Variants in STAU1 observed in about 807,000 individuals in gnomAD.
STAU1 encodes the protein double-stranded RNA-binding protein Staufen homolog 1.
In STAU1, 13 loss-of-function variants were observed where a neutral mutation model predicts 62.9. The ratio of observed to expected loss-of-function variants is 0.21; its 90% CI spans 0.13 to 0.33. The LOEUF (loss-of-function observed/expected upper bound fraction) is 0.33. Ranked by LOEUF, STAU1 falls within the 10% of genes least tolerant of loss-of-function variation. STAU1 has a pLI of 1.00. For synonymous variants in STAU1, 269 were observed against 265.1 expected (o/e 1.01, Z -0.14); for missense variants, 571 against 712.1 (o/e 0.80, Z 2.25).
the STAU1 span, among the ~76,000 whole-genome samples, chr20:49,216,216 C>T: frequency 1.3e-5 from 2 of 150,140 alleles, no homozygotes; most frequent in Non-Finnish European, 2.9e-5. Flanking sequence ...ATGGCAAGAC[C>T]CTTATATCTT....
At chr20:49,179,672 C>G (rs1191362976) in intron 1 of STAU1, among the ~76,000 whole-genome samples, 1 of 152,208 alleles carries the variant, frequency 6.6e-6, no homozygotes, top group East Asian at 1.9e-4. Flanking sequence ...AGGGTGGAAT[C>G]TGCAAGGGTA....
intron 3 of STAU1, among the ~76,000 whole-genome samples, chr20:49,161,839 A>G (rs2093453450): frequency 6.6e-6 from 1 of 152,250 alleles, no homozygotes; most frequent in Non-Finnish European, 1.5e-5. Flanking sequence ...GTACACTCCC[A>G]GAGAAGACGC....
intron 6 of STAU1, among the ~76,000 whole-genome samples, chr20:49,127,165 C>T (rs1439780539): frequency 1.3e-4 from 20 of 151,660 alleles, no homozygotes; most frequent in Non-Finnish European, 2.2e-4. Flanking sequence ...TCAGCCTGGC[C>T]AACATAGTGA....
intron 5 of STAU1, among the ~76,000 whole-genome samples, chr20:49,144,930 G>A (rs2093093282): frequency 6.6e-6 from 1 of 152,026 alleles, no homozygotes; most frequent in African/African-American, 2.4e-5. Context: ...TCAAAACACA[G>A]GAAAATTAAG....
chr20:49,149,931 C>CTT (rs2093212596), intron 5 of STAU1, among the ~76,000 whole-genome samples: 1 of 152,236 alleles, frequency 6.6e-6, no homozygotes, highest in Non-Finnish European at 1.5e-5. Context: ...GCCCACTGTT[C>CTT]TGTGCAGGAT....
intron 3 of STAU1, among the ~76,000 whole-genome samples, chr20:49,154,362 A>C (rs531131418): frequency 6.6e-6 from 1 of 152,360 alleles, no homozygotes; most frequent in South Asian, 2.1e-4. Flanking sequence ...GTCAGAAATA[A>C]GTTCCAAAAC....
chr20:49,200,965 G>A, the STAU1 span, among the ~76,000 whole-genome samples: 2 of 142,656 alleles, frequency 1.4e-5, no homozygotes, highest in African/African-American at 2.5e-5. Context: ...CTTAAGCCTG[G>A]GGGACTGAAG....
At position 49,153,918 on chromosome 20, in the gene STAU1, A is replaced by AC. The variant is rs781661308; in HGVS notation, c.344+14_344+15insG. 1.3e-6 allele frequency: 2 copies of AC among 1,553,474 alleles called. No homozygotes were observed. The highest frequency in any genetic ancestry group is 4.5e-5 in the East Asian group (2 of 44,176). On this transcript the variant is annotated intron_variant, in intron 4 of 13. Coordinates refer to ENST00000371856, the MANE Select transcript of STAU1 (RefSeq NM_017453.4). ...CTCCTGTATTTTACAAAAAAAAAAA[A>AC]AAAAAAACACATACCTCGGGGGATA...
upstream of STAU1, among the ~76,000 whole-genome samples, chr20:49,191,944 G>A (rs761683477): frequency 7.9e-5 from 12 of 151,842 alleles, no homozygotes; most frequent in South Asian, 4.1e-4. Flanking sequence ...CCAGGTACTC[G>A]GGCATGTGAG....
chr20:49,124,154 C>A (rs1383250765), intron 7 of STAU1, among the ~76,000 whole-genome samples: 1 of 152,338 alleles, frequency 6.6e-6, no homozygotes, highest in African/African-American at 2.4e-5. Context: ...CCCTCCTGCA[C>A]AGATGTGTGT....
the STAU1 span, among the ~76,000 whole-genome samples, chr20:49,196,368 C>T: frequency 2.0e-5 from 3 of 146,904 alleles, no homozygotes; most frequent in Non-Finnish European, 4.5e-5. Flanking sequence ...CCCCGGGGGG[C>T]GGAGCCTGCA....
the STAU1 span, among the ~76,000 whole-genome samples, chr20:49,205,979 T>G: frequency 2.2e-5 from 3 of 139,214 alleles, no homozygotes; most frequent in East Asian, 2.4e-4. Context: ...CGGCTAATTT[T>G]CTTTTCTTTT....
chr20:49,186,224 T>C (rs905002376), intron 1 of STAU1, among the ~76,000 whole-genome samples: 2 of 151,354 alleles, frequency 1.3e-5, no homozygotes, highest in Non-Finnish European at 2.9e-5. Flanking sequence ...CGGGCGTCTG[T>C]AATCCCAGCT....
the STAU1 span, among the ~76,000 whole-genome samples, chr20:49,202,578 T>A: frequency 4.6e-5 from 7 of 150,638 alleles, no homozygotes; most frequent in South Asian, 2.1e-4. Flanking sequence ...AACTAAAAAA[T>A]AAATAAATAA....
At chr20:49,143,607 C>T (rs757123999) in intron 5 of STAU1, among the ~76,000 whole-genome samples, 7 of 152,100 alleles carry the variant, frequency 4.6e-5, no homozygotes, top group Non-Finnish European at 7.4e-5. Context: ...CAAAACAAAA[C>T]AACAGAAAAG....
rs16994422 is a variant in STAU1 at position 49,155,309 on chromosome 20, C to T, written c.206-1238G>A. On this transcript the variant is annotated intron_variant, in intron 3 of 13. Coordinates refer to ENST00000371856, the MANE Select transcript of STAU1 (RefSeq NM_017453.4). Reference sequence around the variant, plus strand: ...ATTTGACCTGTGGTCATACTTGCTACGAAAATGAGTTCCATTTTCATACAC... The same window carrying T: ...ATTTGACCTGTGGTCATACTTGCTATGAAAATGAGTTCCATTTTCATACAC... Among the ~76,000 whole-genome samples, 711 of 152,250 alleles carry T rather than the reference C, an allele frequency of 4.7e-3. 4 individuals are homozygous for T. The highest frequency in any genetic ancestry group is 0.016 in the African/African-American group (660 of 41,552).
intron 8 of STAU1, among the ~76,000 whole-genome samples, chr20:49,122,071 A>G (rs2092477495): frequency 6.6e-6 from 1 of 152,232 alleles, no homozygotes; most frequent in Non-Finnish European, 1.5e-5. Flanking sequence ...CTGACTGCAT[A>G]GGTAAAATAT....
chr20:49,215,371 T>C, the STAU1 span, among the ~76,000 whole-genome samples: 1 of 152,162 alleles, frequency 6.6e-6, no homozygotes, highest in African/African-American at 2.4e-5. Context: ...TTCTGATACC[T>C]ACCAACCTTC....
intron 2 of STAU1, 68 bp from the exon 3 acceptor site, chr20:49,166,353 A>C: frequency 1.5e-6 from 1 of 655,842 alleles, no homozygotes; most frequent in Non-Finnish European, 2.6e-6. Context: ...GCCAATATTC[A>C]GTCAAAATGG....
Sources: gnomAD v4.1 joint callset for allele counts (sites outside exome capture counted in the v4.1 genomes callset) on GRCh38, gnomAD v4.1.1 for gene constraint, MANE v1.5 for transcripts, NCBI Gene and HGNC (gene_info 2026-07-23, HGNC 2026-07-21) for gene names.